Variants in SLC22A25 observed in about 807,000 individuals in gnomAD.
SLC22A25 encodes MGI:2442751, MGI:2385316, MGI:3042283, MGI:3645714, MGI:3605624, MGI:2442750.
Under a neutral mutation model 45.9 loss-of-function variants are expected in SLC22A25, and 44 were observed. The ratio of observed to expected loss-of-function variants is 0.96; its 90% CI spans 0.75 to 1.23. SLC22A25 has a LOEUF of 1.23. Ranked by LOEUF, SLC22A25 falls within the 50% of genes most tolerant of loss-of-function variation. SLC22A25 has a pLI of 0.00. For synonymous variants in SLC22A25, 283 were observed against 238.6 expected (o/e 1.19, Z -1.72); for missense variants, 800 against 666.4 (o/e 1.20, Z -2.21).
At chr11:63,233,125 G>A (rs1478604914) in intron 3 of SLC22A25, among the ~76,000 whole-genome samples, 2 of 152,094 alleles carry the variant, frequency 1.3e-5, no homozygotes, top group Admixed American at 6.5e-5. Flanking sequence ...CCTGGCTTTG[G>A]TATCAGGATG....
At chr11:63,179,175 T>C (rs1022095759) in intron 9 of SLC22A25, among the ~76,000 whole-genome samples, 2 of 152,106 alleles carry the variant, frequency 1.3e-5, no homozygotes, top group African/African-American at 4.8e-5. Flanking sequence ...CAGGCTGGTC[T>C]TGAACTCCTG....
At chr11:63,186,668 A>G (rs1381722849) in intron 7 of SLC22A25, among the ~76,000 whole-genome samples, 1 of 152,102 alleles carries the variant, frequency 6.6e-6, no homozygotes, top group Non-Finnish European at 1.5e-5. Flanking sequence ...TACAGTTTTT[A>G]TGCTTTTAGG....
chr11:63,234,273 A>C (rs2090124503), intron 3 of SLC22A25, among the ~76,000 whole-genome samples: 1 of 152,150 alleles, frequency 6.6e-6, no homozygotes, highest in East Asian at 1.9e-4. Flanking sequence ...TGGGAGTCTA[A>C]GTCTCTTTGT....
chr11:63,237,863 G>T lies in SLC22A25; in HGVS notation c.-445+18C>A, dbSNP rs1488705317. ...TTCTCAATGAATAAATATTTAATCA[G>T]TGGATGGAAATACTCACTAGTATAG... On this transcript the variant is annotated intron_variant, in intron 3 of 11. Transcript: ENST00000306494. 1 of 152,174 alleles carries T rather than the reference G, an allele frequency of 6.6e-6. No homozygotes were observed. Among genetic ancestry groups the T allele is most frequent in the East Asian group, 1.9e-4 (1 of 5,192 alleles). 9.4% of individuals were successfully genotyped at this position (152,174 alleles called of 1,614,324 possible).
At chr11:63,219,933 A>AGG in intron 5 of SLC22A25, 1 of 1,289,150 alleles carries the variant, frequency 7.8e-7, no homozygotes, top group Non-Finnish European at 1.0e-6. Context: ...GAGAGATACC[A>AGG]GAAGACGTGA....
At chr11:63,240,175 A>G (rs1256646604) in intron 1 of SLC22A25, among the ~76,000 whole-genome samples, 1 of 152,172 alleles carries the variant, frequency 6.6e-6, no homozygotes, top group Non-Finnish European at 1.5e-5. Context: ...TAAACATAGA[A>G]AAGTTAGAGT....
chr11:63,190,084 G>C (rs947283359), intron 7 of SLC22A25, among the ~76,000 whole-genome samples: 1 of 152,162 alleles, frequency 6.6e-6, no homozygotes, highest in Admixed American at 6.5e-5. Flanking sequence ...GAATTTGAAT[G>C]TTGGCCTGCC....
chr11:63,206,852 G>C (rs2089418806), intron 7 of SLC22A25, among the ~76,000 whole-genome samples: 3 of 152,176 alleles, frequency 2.0e-5, no homozygotes. Context: ...AACAAAGCTG[G>C]AGGCATCATG....
intron 3 of SLC22A25, among the ~76,000 whole-genome samples, chr11:63,232,290 G>T (rs1032650352): frequency 4.6e-5 from 7 of 152,090 alleles, no homozygotes; most frequent in African/African-American, 1.7e-4. Flanking sequence ...CCATTTGTTT[G>T]TATCCTCTTT....
rs966897478 is a variant in SLC22A25 at position 63,166,037 on chromosome 11, T to C, written c.1285+7A>G. 2 of 1,612,832 alleles carry C rather than the reference T, an allele frequency of 1.2e-6. No individual in the cohort carries two copies. Among genetic ancestry groups the C allele is most frequent in the African/African-American group, 2.7e-5 (2 of 74,896 alleles). On this transcript the variant is annotated splice_region_variant and intron_variant, in intron 10 of 11. Coordinates refer to ENST00000306494, the MANE Select transcript of SLC22A25 (RefSeq NM_199352.6). ...TTTTCTTTCTTCCACCTGTGAACTT[T>C]TCTCACCTTGAGGCACAAATATGAT...
At chr11:63,235,175 G>A (rs183893798) in intron 3 of SLC22A25, among the ~76,000 whole-genome samples, 1 of 152,110 alleles carries the variant, frequency 6.6e-6, no homozygotes, top group Non-Finnish European at 1.5e-5. Context: ...TATTTCCTGA[G>A]TTTGAATGTT....
chr11:63,232,986 A>G (rs1288833400), intron 3 of SLC22A25, among the ~76,000 whole-genome samples: 1 of 152,130 alleles, frequency 6.6e-6, no homozygotes, highest in East Asian at 1.9e-4. Context: ...GATGAAGCCC[A>G]CTTGATCATG....
At chr11:63,193,317 AACAG>A (rs1641983705) in intron 7 of SLC22A25, among the ~76,000 whole-genome samples, 1 of 152,206 alleles carries the variant, frequency 6.6e-6, no homozygotes, top group African/African-American at 2.4e-5. Flanking sequence ...GAGATCTGAG[AACAG>A]ACAGTCTGCC....
Position 63,160,546 on chromosome 11 carries a change from T to A in SLC22A25, c.*3278A>T, listed in dbSNP as rs1212530542. Among the ~76,000 whole-genome samples, 1 of 152,134 alleles carries A rather than the reference T, an allele frequency of 6.6e-6. No individual in the cohort carries two copies. Among genetic ancestry groups the A allele is most frequent in the Non-Finnish European group, 1.5e-5 (1 of 68,006 alleles). ...TGGGGTCCTCATGGAGAACCTCTGC[T>A]TGGGCGGTGTGAAAGGAAGATGTGG... On this transcript the variant is annotated 3_prime_UTR_variant, in exon 12 of 12. Coordinates refer to ENST00000306494, the MANE Select transcript of SLC22A25 (RefSeq NM_199352.6).
rs201958778 is a variant in SLC22A25, at chr11:63,217,634, C to T, written c.608G>A (p.Arg203His). The part of the protein sequence containing the change: ...APTILVYCSL[R>H]FLAGAATFSI... ...AAATGTAGCAGCCCCAGCCAAGAAG[C>T]GCAGGGAGCAGTATACGAGGATGGT... Residue 203 changes from arginine (R) to histidine (H), a missense_variant, in exon 6 of 12, where the codon CGC becomes CAC. Coordinates refer to ENST00000306494, the MANE Select transcript of SLC22A25 (RefSeq NM_199352.6). 4.6e-5 allele frequency: 75 copies of T among 1,613,768 alleles called. No homozygotes were observed. Among genetic ancestry groups the T allele is most frequent in the East Asian group, 2.2e-4 (10 of 44,858 alleles).
chr11:63,234,002 A>T (rs970037350), intron 3 of SLC22A25, among the ~76,000 whole-genome samples: 4 of 152,220 alleles, frequency 2.6e-5, no homozygotes, highest in Non-Finnish European at 2.9e-5. Flanking sequence ...CCTGAGAGAC[A>T]GTTTGTTATA....
chr11:63,211,773 TA>T (rs1255483188), intron 7 of SLC22A25, among the ~76,000 whole-genome samples: 1 of 152,040 alleles, frequency 6.6e-6, no homozygotes, highest in East Asian at 1.9e-4. Flanking sequence ...ACTTCATGTC[TA>T]AAACACCAAA....
At chr11:63,189,550 G>T (rs1392832229) in intron 7 of SLC22A25, among the ~76,000 whole-genome samples, 2 of 152,020 alleles carry the variant, frequency 1.3e-5, no homozygotes, top group African/African-American at 4.8e-5. Flanking sequence ...TTACATTTGA[G>T]GGTAATATTG....
intron 5 of SLC22A25, among the ~76,000 whole-genome samples, chr11:63,225,373 T>C (rs1243835097): frequency 6.6e-6 from 1 of 152,190 alleles, no homozygotes; most frequent in Non-Finnish European, 1.5e-5. Context: ...TTCTCATTCA[T>C]ATTTGAAGGA....
Sources: gnomAD v4.1 joint callset for allele counts (sites outside exome capture counted in the v4.1 genomes callset) on GRCh38, gnomAD v4.1.1 for gene constraint, MANE v1.5 for transcripts, NCBI Gene and HGNC (gene_info 2026-07-23, HGNC 2026-07-21) for gene names.